Variants in AKT3 observed in about 807,000 individuals in gnomAD.
AKT3 encodes RAC-gamma serine/threonine-protein kinase.
In AKT3, 15 loss-of-function variants were observed where a neutral mutation model predicts 65.3. The observed-to-expected ratio is 0.23, with a 90% CI of 0.15 to 0.35. The LOEUF (loss-of-function observed/expected upper bound fraction) is 0.35. AKT3 is among the 10% of genes least tolerant of loss of function. AKT3 has a pLI of 1.00. For missense variants in AKT3, 243 were observed against 576.5 expected, an observed-to-expected ratio of 0.42 and a Z score of 5.92; for synonymous variants, 206 against 183.8, an observed-to-expected ratio of 1.12 and a Z score of -0.98.
chr1:243,846,406 T>C (rs1166733434), intron 1 of AKT3, among the ~76,000 whole-genome samples: 1 of 152,218 alleles, frequency 6.6e-6, no homozygotes, highest in Non-Finnish European at 1.5e-5. Context: ...TAGTGTTTTC[T>C]TCTAGTAAAT....
chr1:243,632,203 C>T (rs1045408652), intron 6 of AKT3, among the ~76,000 whole-genome samples: 1 of 152,096 alleles, frequency 6.6e-6, no homozygotes, highest in Non-Finnish European at 1.5e-5. Context: ...CTGTCTATTA[C>T]AAAATGTATT....
chr1:243,795,576 A>C (rs1478256722), intron 2 of AKT3, among the ~76,000 whole-genome samples: 2 of 135,850 alleles, frequency 1.5e-5, no homozygotes, highest in Non-Finnish European at 3.1e-5. Context: ...GGTTCACGCC[A>C]TTCTCCTGCC....
intron 11 of AKT3, among the ~76,000 whole-genome samples, chr1:243,552,288 C>CAGA (rs1673132093): frequency 6.0e-5 from 3 of 50,166 alleles, no homozygotes; most frequent in South Asian, 1.4e-3. Flanking sequence ...GACTCTGTCT[C>CAGA]AAAAAAAAAA....
chr1:243,574,594 A>G (rs755293290), intron 8 of AKT3, among the ~76,000 whole-genome samples: 1 of 152,166 alleles, frequency 6.6e-6, no homozygotes, highest in Non-Finnish European at 1.5e-5. Context: ...ATAATCAAAT[A>G]CAGTATGTGA....
chr1:243,822,998 A>G (rs1219206818), intron 2 of AKT3, among the ~76,000 whole-genome samples: 1 of 152,204 alleles, frequency 6.6e-6, no homozygotes, highest in African/African-American at 2.4e-5. Context: ...TTCAGCCAAT[A>G]TCCCTGATGA....
At chr1:243,711,072 G>A (rs954061981) in intron 2 of AKT3, among the ~76,000 whole-genome samples, 1 of 152,216 alleles carries the variant, frequency 6.6e-6, no homozygotes, top group Non-Finnish European at 1.5e-5. Context: ...TGTAATCCCA[G>A]CACTTTGGGA....
intron 5 of AKT3, among the ~76,000 whole-genome samples, chr1:243,642,557 C>T (rs1220294373): frequency 6.6e-6 from 1 of 152,332 alleles, no homozygotes; most frequent in Admixed American, 6.5e-5. Context: ...GATCCGCCCA[C>T]CTTGGCCTCC....
intron 2 of AKT3, among the ~76,000 whole-genome samples, chr1:243,746,897 T>C (rs966086809): frequency 1.4e-5 from 2 of 144,988 alleles, no homozygotes; most frequent in African/African-American, 2.5e-5. Context: ...AACATGAACA[T>C]GGGGGGTGGG....
chr1:243,825,923 A>G (rs1694138316), intron 2 of AKT3, among the ~76,000 whole-genome samples: 1 of 152,056 alleles, frequency 6.6e-6, no homozygotes, highest in Admixed American at 6.6e-5. Flanking sequence ...CCTGAAGTCA[A>G]GAGTTCGAGG....
intron 3 of AKT3, among the ~76,000 whole-genome samples, chr1:243,683,650 GAGAC>G (rs1368375037): frequency 6.6e-6 from 1 of 152,074 alleles, no homozygotes; most frequent in Non-Finnish European, 1.5e-5. Context: ...AAAGTTGAGT[GAGAC>G]AGAAAGGGGG....
In AKT3 at chr1:243,765,467, C is replaced by A. The variant is rs73128278; in HGVS notation, c.47-69751G>T. ...ACCCTGGTAAGGCTACCAATGACTTCCTAAGTATTCATTTCACAAATATTT... is the reference window on the plus strand; with the variant it reads ...ACCCTGGTAAGGCTACCAATGACTTACTAAGTATTCATTTCACAAATATTT... On this transcript the variant is annotated intron_variant, in intron 2 of 13. Transcript: ENST00000673466. Among the ~76,000 whole-genome samples, 611 of 152,162 alleles carry A rather than the reference C, an allele frequency of 4.0e-3. 3 individuals are homozygous for A. Among genetic ancestry groups the A allele is most frequent in the African/African-American group, 0.014 (573 of 41,546 alleles).
chr1:243,673,099 G>A (rs1572146832), intron 3 of AKT3, among the ~76,000 whole-genome samples: 1 of 152,120 alleles, frequency 6.6e-6, no homozygotes, highest in Non-Finnish European at 1.5e-5. Context: ...TTTTAAAAAT[G>A]TAGTAAAATA....
At chr1:243,739,537 A>G (rs562055168) in intron 2 of AKT3, 4 of 152,226 alleles carry the variant, frequency 2.6e-5, no homozygotes, top group African/African-American at 4.8e-5. Flanking sequence ...CAAGTGCTCA[A>G]CAGCCACTTT....
chr1:243,535,181 A>AAATATATTTAAAATTTTAG (rs1671827270), intron 12 of AKT3, among the ~76,000 whole-genome samples: 1 of 149,144 alleles, frequency 6.7e-6, no homozygotes, highest in Non-Finnish European at 1.5e-5. Flanking sequence ...TAAAATTTTA[A>AAATATATTTAAAATTTTAG]AATAATTTTA....
At chr1:243,530,926 A>C (rs1456780160) in intron 12 of AKT3, among the ~76,000 whole-genome samples, 1 of 152,244 alleles carries the variant, frequency 6.6e-6, no homozygotes, top group African/African-American at 2.4e-5. Flanking sequence ...AACTAGTTTA[A>C]GCATTAAGAG....
chr1:243,743,586 C>T (rs1408462018), intron 2 of AKT3, among the ~76,000 whole-genome samples: 1 of 152,166 alleles, frequency 6.6e-6, no homozygotes, highest in African/African-American at 2.4e-5. Context: ...AACTAATTTA[C>T]AACAGCCCTT....
At position 243,829,757 on chromosome 1, in the gene AKT3, A is replaced by T. The variant is rs183006008; in HGVS notation, c.46+13368T>A. ...AACCCTTCACATATTAGTGCTAGGA[A>T]TGTAAACTGGTAACATCTGGACAAT... On this transcript the variant is annotated intron_variant, in intron 2 of 13. Transcript: ENST00000673466. Among the ~76,000 whole-genome samples the T allele has an allele frequency of 7.2e-5, 11 of 152,338 alleles. No homozygotes were observed. In the East Asian group the frequency reaches 2.1e-3, roughly 29 times the overall value.
intron 2 of AKT3, among the ~76,000 whole-genome samples, chr1:243,802,467 G>A (rs186913321): frequency 1.3e-5 from 2 of 152,204 alleles, no homozygotes; most frequent in African/African-American, 4.8e-5. Context: ...AAATTTTATT[G>A]AACATAAATA....
intron 2 of AKT3, among the ~76,000 whole-genome samples, chr1:243,729,526 T>C (rs1307773821): frequency 1.3e-5 from 2 of 152,128 alleles, no homozygotes; most frequent in Admixed American, 1.3e-4. Context: ...AAAGTAACCA[T>C]ATCCTTTGAG....
Sources: gnomAD v4.1 joint callset for allele counts (sites outside exome capture counted in the v4.1 genomes callset) on GRCh38, gnomAD v4.1.1 for gene constraint, MANE v1.5 for transcripts, NCBI Gene and HGNC (gene_info 2026-07-23, HGNC 2026-07-21) for gene names.